AKAP9: variants seen among roughly 807,000 people sequenced by gnomAD.
The protein encoded by AKAP9 is A-kinase anchor protein 9.
A neutral mutation model predicts 488.5 loss-of-function variants in AKAP9; 311 were observed. The ratio of observed to expected loss-of-function variants is 0.64; its 90% CI spans 0.58 to 0.70. The LOEUF (loss-of-function observed/expected upper bound fraction) is 0.70, where lower values mean the gene tolerates loss of function less well. AKAP9 is among the 30% of genes least tolerant of loss of function. The pLI is 0.00. For missense variants in AKAP9, 4,215 were observed against 4,374.5 expected (o/e 0.96, Z 1.03); for synonymous variants, 1,462 against 1,483.5 (o/e 0.99, Z 0.33).
chr7:91,994,377 A>T (rs1463771791), intron 5 of AKAP9, among the ~76,000 whole-genome samples: 1 of 152,220 alleles, frequency 6.6e-6, no homozygotes, highest in Non-Finnish European at 1.5e-5. Flanking sequence ...ATATAAAGGC[A>T]CTTGTCCTTC....
intron 8 of AKAP9, among the ~76,000 whole-genome samples, chr7:92,011,683 A>G (rs1474294097): frequency 1.3e-5 from 2 of 152,248 alleles, no homozygotes; most frequent in East Asian, 1.9e-4. Context: ...GAAAGCCCAG[A>G]AACACATTGA....
intron 12 of AKAP9, among the ~76,000 whole-genome samples, chr7:92,021,825 TG>T (rs1802354622): frequency 6.6e-6 from 1 of 152,218 alleles, no homozygotes; most frequent in South Asian, 2.1e-4. Context: ...GTCAGTTACC[TG>T]GTTGTACATA....
At chr7:92,014,942 A>G (rs1040571327) in intron 10 of AKAP9, among the ~76,000 whole-genome samples, 4 of 152,130 alleles carry the variant, frequency 2.6e-5, no homozygotes, top group African/African-American at 4.8e-5. Flanking sequence ...GAGTGAGCCA[A>G]AACACTAAGA....
rs551023013 is a variant in AKAP9, at chr7:92,085,368, A to G, written c.8833-127A>G. 3.4e-5 allele frequency: 30 copies of G among 883,196 alleles called. No homozygotes were observed. The Admixed American group carries it at 4.3e-4, about 13-fold the overall frequency. 54.7% of individuals were successfully genotyped at this position (883,196 alleles called of 1,614,324 possible). A position where few individuals can be genotyped will look rare whatever the true frequency, so the allele number is the denominator to read the frequency against. ...ACCCCTCCACAGGAAGAAGGCATTC[A>G]GTAATGTTGGGCTGGAGTTTTCTCT... On this transcript the variant is annotated intron_variant, in intron 35 of 49. Coordinates refer to ENST00000356239, the MANE Select transcript of AKAP9 (RefSeq NM_005751.5).
chr7:92,070,401 GTTGTTTTGTTTTGTT>G lies in AKAP9; in HGVS notation c.6507+228_6507+242del, dbSNP rs71528034. On this transcript the variant is annotated intron_variant, in intron 27 of 49. Coordinates refer to ENST00000356239, the MANE Select transcript of AKAP9 (RefSeq NM_005751.5). ...AAGGGAAGAGTTTTTTGTTGTTGTTGTTGTTTTGTTTTGTTTTGTTTTGTTTTGTTTTGTTTTGTT... is the reference window on the plus strand; with the variant it reads ...AAGGGAAGAGTTTTTTGTTGTTGTTGTTGTTTTGTTTTGTTTTGTTTTGTT... 0.023 allele frequency among the ~76,000 whole-genome samples: 3,331 copies of G among 145,522 alleles called. 65 individuals carry two copies. Among genetic ancestry groups the G allele is most frequent in the African/African-American group, 0.054 (2,026 of 37,594 alleles).
chr7:92,001,366 TAATG>T lies in AKAP9; in HGVS notation c.1452_1455del (p.Asn484LysfsTer4). 6.2e-7 allele frequency: 1 copy of T among 1,613,810 alleles called. No individual in the cohort carries two copies. The highest frequency in any genetic ancestry group is 8.5e-7 in the Non-Finnish European group (1 of 1,179,794). On this transcript the variant is annotated frameshift_variant, in exon 8 of 50. Transcript: ENST00000356239. LOFTEE classifies it high-confidence loss of function. ...TAAGGTCATATTCAAATATTACAGT[TAATG>T]AAGATCAGATAAAGTTAATGAATGT...
chr7:92,043,308 G>C (rs1404639744), intron 20 of AKAP9: 1 of 984,726 alleles, frequency 1.0e-6, no homozygotes. Context: ...TGGCCCCTAA[G>C]ATTTTGGCTT....
chr7:92,076,002 A>G (rs1253215853), intron 28 of AKAP9, among the ~76,000 whole-genome samples: 2 of 152,186 alleles, frequency 1.3e-5, no homozygotes, highest in African/African-American at 2.4e-5. Flanking sequence ...ATGCTCCTGC[A>G]TCTTAGTTTG....
At position 92,012,346 on chromosome 7, in the gene AKAP9, G is replaced by C. The variant is rs187938013; in HGVS notation, c.3319-83G>C. ...TCTCATGAATTTTTAAACTCTTGTA[G>C]TCAGTATATGCAAAAAAAAGAAGTT... On this transcript the variant is annotated intron_variant, in intron 8 of 49. Transcript: ENST00000356239. 2.4e-6 allele frequency: 3 copies of C among 1,253,070 alleles called. No individual in the cohort carries two copies. The African/African-American group carries it at 4.5e-5, about 19-fold the overall frequency. The allele number at this position is 1,253,070 out of a possible 1,614,324, so 77.6% of individuals were successfully genotyped here. A position where few individuals can be genotyped will look rare whatever the true frequency, so the allele number is the denominator to read the frequency against.
intron 3 of AKAP9, among the ~76,000 whole-genome samples, chr7:91,986,148 T>A (rs1310338316): frequency 6.6e-6 from 1 of 152,196 alleles, no homozygotes; most frequent in African/African-American, 2.4e-5. Flanking sequence ...GGAGGGTGTA[T>A]GTGTCCAGGA....
intron 3 of AKAP9, 120 bp downstream of exon 3, chr7:91,980,453 A>T: frequency 1.1e-5 from 3 of 284,020 alleles, no homozygotes; most frequent in East Asian, 9.6e-5. Context: ...TTTTATAAAT[A>T]TAATGTTAAG....
At chr7:91,972,349 G>C (rs114288276) in intron 1 of AKAP9, among the ~76,000 whole-genome samples, 319 of 152,238 alleles carry the variant, frequency 2.1e-3, no homozygotes, top group African/African-American at 7.2e-3. Flanking sequence ...GGTTGTCCCT[G>C]GTTGAGCCAG....
chr7:92,023,191 T>A (rs762282677), intron 14 of AKAP9, among the ~76,000 whole-genome samples, 182 bp downstream of exon 14: 8 of 152,168 alleles, frequency 5.3e-5, no homozygotes, highest in Non-Finnish European at 1.2e-4. Context: ...CTGAAAAAAA[T>A]GTTGATGTAA....
rs78041907 is a variant in AKAP9, at chr7:91,947,736, G to T, written c.48+6589G>T. Among the ~76,000 whole-genome samples the T allele has an allele frequency of 1.8e-3, 271 of 152,332 alleles. 2 individuals carry two copies. The highest frequency in any genetic ancestry group is 3.2e-3 in the Non-Finnish European group (216 of 68,034). On this transcript the variant is annotated intron_variant, in intron 1 of 49. Transcript: ENST00000356239. The stretch of plus-strand genomic sequence containing the variant: ...TCAACAGGTGTTTTGAAGGATAAAT[G>T]AAATAATGGTTGGGAGCTTTTTGAG...
intron 46 of AKAP9, 35 bp from the exon 47 acceptor site, chr7:92,105,643 T>C (rs749995807): frequency 6.9e-6 from 10 of 1,451,628 alleles, no homozygotes; most frequent in African/African-American, 1.4e-5. Flanking sequence ...TGTTTATAGA[T>C]GGGCTGTGAA....
intron 10 of AKAP9, 97 bp from the exon 11 acceptor site, chr7:92,016,032 A>G (rs926246563): frequency 9.8e-7 from 1 of 1,020,402 alleles, no homozygotes; most frequent in Non-Finnish European, 1.5e-6. Context: ...TTTGTGTGCC[A>G]TTTTGACCGC....
intron 1 of AKAP9, among the ~76,000 whole-genome samples, chr7:91,968,953 C>A (rs1794738047): frequency 6.6e-6 from 1 of 152,050 alleles, no homozygotes. Context: ...TTCATTGTAG[C>A]CTCTACCTCC....
intron 20 of AKAP9, 111 bp from the exon 21 acceptor site, chr7:92,044,897 T>G: frequency 1.2e-6 from 1 of 801,496 alleles, no homozygotes; most frequent in Non-Finnish European, 2.1e-6. Context: ...AAAAGGATCA[T>G]CTGTTATTTT....
chr7:92,095,652 T>TA (rs1816440284), intron 40 of AKAP9, among the ~76,000 whole-genome samples: 1 of 152,170 alleles, frequency 6.6e-6, no homozygotes, highest in Non-Finnish European at 1.5e-5. Context: ...CTGCTTTTAA[T>TA]AGAGGTGGAG....
Sources: gnomAD v4.1 joint callset for allele counts (sites outside exome capture counted in the v4.1 genomes callset) on GRCh38, gnomAD v4.1.1 for gene constraint, MANE v1.5 for transcripts, NCBI Gene and HGNC (gene_info 2026-07-23, HGNC 2026-07-21) for gene names.